TMEM150C: variants seen among roughly 807,000 people sequenced by gnomAD.
TMEM150C encodes the protein transmembrane protein 150C.
Under a neutral mutation model 29.9 loss-of-function variants are expected in TMEM150C, and 10 were observed. The observed-to-expected ratio is 0.33, with a 90% CI of 0.21 to 0.57. The LOEUF (loss-of-function observed/expected upper bound fraction) is 0.57, where lower values mean the gene tolerates loss of function less well. TMEM150C is among the 20% of genes least tolerant of loss of function. The probability of loss-of-function intolerance (pLI) is 0.88; values close to 1 mark genes in which losing one functional copy is unlikely to be tolerated. For missense variants in TMEM150C, 251 were observed against 303.6 expected (o/e 0.83, Z 1.29); for synonymous variants, 101 against 112.5 (o/e 0.90, Z 0.64).
intron 1 of TMEM150C, among the ~76,000 whole-genome samples, chr4:82,551,694 C>A (rs1725582794): frequency 6.6e-6 from 1 of 152,134 alleles, no homozygotes; most frequent in African/African-American, 2.4e-5. Flanking sequence ...GATGTCTCTC[C>A]CCTTATCTAT....
At chr4:82,504,060 C>G (rs1222426850) in intron 2 of TMEM150C, among the ~76,000 whole-genome samples, 1 of 152,084 alleles carries the variant, frequency 6.6e-6, no homozygotes, top group Non-Finnish European at 1.5e-5. Flanking sequence ...TCTTCACCAC[C>G]GGCTTTGCAT....
chr4:82,539,215 T>G (rs1725118075), intron 1 of TMEM150C, among the ~76,000 whole-genome samples: 1 of 152,218 alleles, frequency 6.6e-6, no homozygotes, highest in Admixed American at 6.5e-5. Context: ...CATCATTCTT[T>G]GGGATGAAAG....
intron 5 of TMEM150C, among the ~76,000 whole-genome samples, chr4:82,501,285 T>A (rs1290607796): frequency 6.6e-6 from 1 of 151,982 alleles, no homozygotes; most frequent in East Asian, 1.9e-4. Flanking sequence ...CTGGCCCTGG[T>A]GCCCACAGGT....
chr4:82,534,099 A>G (rs1364064037), intron 1 of TMEM150C, among the ~76,000 whole-genome samples: 1 of 129,140 alleles, frequency 7.7e-6, no homozygotes, highest in Non-Finnish European at 1.5e-5. Context: ...TTAGAATATA[A>G]AGAAAGAGTA....
intron 5 of TMEM150C, among the ~76,000 whole-genome samples, chr4:82,499,265 T>G (rs933621033): frequency 6.6e-6 from 1 of 152,240 alleles, no homozygotes; most frequent in Non-Finnish European, 1.5e-5. Context: ...CACATTCACG[T>G]TCTGATCAAT....
chr4:82,552,631 G>A (rs1725617141), intron 1 of TMEM150C, among the ~76,000 whole-genome samples: 2 of 152,094 alleles, frequency 1.3e-5, no homozygotes, highest in Non-Finnish European at 2.9e-5. Flanking sequence ...GAAATCATCT[G>A]GGAAGCTTTT....
At chr4:82,545,460 A>C (rs148729404) in intron 1 of TMEM150C, among the ~76,000 whole-genome samples, 1 of 152,332 alleles carries the variant, frequency 6.6e-6, no homozygotes, top group East Asian at 1.9e-4. Context: ...AAAACCTGGA[A>C]GCGTTCCCCT....
intron 5 of TMEM150C, among the ~76,000 whole-genome samples, chr4:82,498,773 G>T (rs1487246698): frequency 6.6e-6 from 1 of 152,112 alleles, no homozygotes; most frequent in Non-Finnish European, 1.5e-5. Context: ...AGAGTTGTTG[G>T]CTGCTCTCTT....
At chr4:82,515,999 T>C (rs943292069) in intron 1 of TMEM150C, among the ~76,000 whole-genome samples, 2 of 152,042 alleles carry the variant, frequency 1.3e-5, no homozygotes, top group Admixed American at 6.6e-5. Context: ...CAATTCACAA[T>C]GCTGGCTCTC....
intron 1 of TMEM150C, among the ~76,000 whole-genome samples, chr4:82,545,541 C>A (rs933173115): frequency 6.6e-6 from 1 of 152,106 alleles, no homozygotes; most frequent in Non-Finnish European, 1.5e-5. Flanking sequence ...AAATCCTTGC[C>A]ACAGTAATCA....
At chr4:82,491,013 A>T in intron 6 of TMEM150C, 1 of 738,526 alleles carries the variant, frequency 1.4e-6, no homozygotes, top group African/African-American at 1.7e-5. Context: ...AACCTGTGTG[A>T]AGACAACAGT....
chr4:82,527,833 A>G (rs76660380), intron 1 of TMEM150C, among the ~76,000 whole-genome samples: 5,451 of 152,262 alleles, frequency 0.036, 303 homozygotes, highest in African/African-American at 0.12. Flanking sequence ...AGATAGATAT[A>G]AACGGGTTGA....
rs904801827 is a variant in TMEM150C, at chr4:82,490,846, C to G, written c.364-608G>C. 7 of 655,150 alleles carry G rather than the reference C, an allele frequency of 1.1e-5. No homozygotes were observed. The Admixed American group carries it at 1.3e-4, about 12-fold the overall frequency. The allele number at this position is 655,150 out of a possible 1,614,324, so 40.6% of individuals were successfully genotyped here. A position where few individuals can be genotyped will look rare whatever the true frequency, so the allele number is the denominator to read the frequency against. On this transcript the variant is annotated intron_variant, in intron 6 of 7. Transcript: ENST00000449862. ...ATTTAACCCAGCTTGGTGGCAAGTT[C>G]TTTAGCCTTTGCCTTTTTGAGCTTA... is the stretch of plus-strand genomic sequence containing the variant.
chr4:82,539,459 C>CTTT (rs34120699), intron 1 of TMEM150C, among the ~76,000 whole-genome samples: 3 of 147,428 alleles, frequency 2.0e-5, no homozygotes, highest in Non-Finnish European at 3.0e-5. Context: ...ATCCAAACAA[C>CTTT]TTTTTTTTTT....
At chr4:82,520,521 C>A (rs908070760) in intron 1 of TMEM150C, among the ~76,000 whole-genome samples, 3 of 152,170 alleles carry the variant, frequency 2.0e-5, no homozygotes, top group Non-Finnish European at 4.4e-5. Flanking sequence ...AATAAGAGTT[C>A]AAACTGAACC....
intron 1 of TMEM150C, among the ~76,000 whole-genome samples, chr4:82,540,111 ATTCTTTTTTTTTTT>A (rs1725150317): frequency 3.4e-5 from 1 of 29,776 alleles, no homozygotes; most frequent in African/African-American, 8.3e-5. Flanking sequence ...GTTTCTACCT[ATTCTTTTTTTTTTT>A]TTTTTTTTTT....
At chr4:82,520,422 T>G (rs146999394) in intron 1 of TMEM150C, among the ~76,000 whole-genome samples, 2,703 of 152,280 alleles carry the variant, frequency 0.018, 72 homozygotes, top group African/African-American at 0.061. Context: ...CCATCCTTCC[T>G]CTTTCTCAGG....
At chr4:82,556,825 C>T (rs1725751848) in intron 1 of TMEM150C, among the ~76,000 whole-genome samples, 1 of 152,064 alleles carries the variant, frequency 6.6e-6, no homozygotes, top group African/African-American at 2.4e-5. Flanking sequence ...TCCCCATCAC[C>T]CTATGGGATG....
intron 1 of TMEM150C, among the ~76,000 whole-genome samples, chr4:82,543,184 G>A (rs929460582): frequency 6.6e-6 from 1 of 152,116 alleles, no homozygotes; most frequent in Non-Finnish European, 1.5e-5. Flanking sequence ...ACTACACTCT[G>A]CTGCTTCTCA....
Sources: allele counts gnomAD v4.1 joint callset (sites outside exome capture counted in the v4.1 genomes callset), GRCh38; gene constraint gnomAD v4.1.1; transcripts MANE v1.5; gene names NCBI Gene and HGNC (gene_info 2026-07-23, HGNC 2026-07-21).